Variants in FAM171B observed in about 807,000 individuals in gnomAD.
The protein encoded by FAM171B is family with sequence similarity 171 member B.
FAM171B carries 19 observed loss-of-function variants against 75.6 expected under a neutral mutation model. The observed-to-expected ratio is 0.25, with a 90% CI of 0.18 to 0.37. FAM171B has a LOEUF of 0.37. Among genes scored for constraint, FAM171B ranks in the 10% least tolerant of loss-of-function variants. The pLI is 1.00. For missense variants in FAM171B, 848 were observed against 982.4 expected, an observed-to-expected ratio of 0.86 and a Z score of 1.83; for synonymous variants, 367 against 361.7, an observed-to-expected ratio of 1.01 and a Z score of -0.17.
At chr2:186,739,513 G>A (rs1690256044) in intron 1 of FAM171B, among the ~76,000 whole-genome samples, 1 of 150,436 alleles carries the variant, frequency 6.6e-6, no homozygotes, top group Admixed American at 6.6e-5. Flanking sequence ...AACTTTTTTT[G>A]TTAAAAACTA....
intron 1 of FAM171B, among the ~76,000 whole-genome samples, chr2:186,701,929 T>A (rs12612335): frequency 0.14 from 20,752 of 152,248 alleles, 1,793 homozygotes; most frequent in Middle Eastern, 0.24. Context: ...TTCATTTACT[T>A]GGCTTAGTGT....
At chr2:186,758,516 C>T (rs749410673) in intron 6 of FAM171B, among the ~76,000 whole-genome samples, 1 of 152,144 alleles carries the variant, frequency 6.6e-6, no homozygotes, top group Non-Finnish European at 1.5e-5. Context: ...CCACCACTCA[C>T]TCTTCTTACC....
chr2:186,707,635 C>T (rs918871221), intron 1 of FAM171B, among the ~76,000 whole-genome samples: 3 of 152,092 alleles, frequency 2.0e-5, no homozygotes, highest in Non-Finnish European at 4.4e-5. Flanking sequence ...GCAGTCTCAA[C>T]TCCAGCTTCT....
intron 6 of FAM171B, among the ~76,000 whole-genome samples, chr2:186,758,173 A>C (rs570371020): frequency 9.2e-4 from 140 of 152,240 alleles, no homozygotes; most frequent in African/African-American, 3.2e-3. Flanking sequence ...TTTCACAAGT[A>C]TTTACTCATT....
In FAM171B at chr2:186,761,481, A is replaced by C; in HGVS notation, c.1139A>C (p.Asp380Ala). 1 of 1,558,754 alleles carries C rather than the reference A, an allele frequency of 6.4e-7. No individual in the cohort carries two copies. Among genetic ancestry groups the C allele is most frequent in the Non-Finnish European group, 8.6e-7 (1 of 1,161,080 alleles). Residue 380 changes from aspartate to alanine, a missense_variant and splice_region_variant, in exon 8 of 8, where the codon GAC becomes GCC. By Grantham distance (126) the Asp-to-Ala change is moderately radical (BLOSUM62 -2). This residue lies in a region of FAM171B where 665 missense variants were observed against 729.0 expected (regional missense o/e 0.91). Coordinates refer to ENST00000304698, the MANE Select transcript of FAM171B (RefSeq NM_177454.4). Reference sequence around the variant, plus strand: ...TTTTGCCTTCTCTTCTACTCTAGGGACAAGTGTGGTACTCCACAGAAAAGA... The same window carrying C: ...TTTTGCCTTCTCTTCTACTCTAGGGCCAAGTGTGGTACTCCACAGAAAAGA... Reference protein sequence around the residue: ...FFAVLLCYCRDKCGTPQKRER... With the variant: ...FFAVLLCYCRAKCGTPQKRER...
At chr2:186,726,170 A>G (rs1405839770) in intron 1 of FAM171B, among the ~76,000 whole-genome samples, 2 of 152,208 alleles carry the variant, frequency 1.3e-5, no homozygotes. Context: ...TTTGGAGATC[A>G]TGTCTTTATT....
At chr2:186,727,925 G>T (rs1438307157) in intron 1 of FAM171B, among the ~76,000 whole-genome samples, 1 of 152,040 alleles carries the variant, frequency 6.6e-6, no homozygotes, top group Non-Finnish European at 1.5e-5. Flanking sequence ...TCTAAACTAA[G>T]ATTTCTTGGT....
At chr2:186,720,321 A>C (rs1477422502) in intron 1 of FAM171B, among the ~76,000 whole-genome samples, 1 of 152,226 alleles carries the variant, frequency 6.6e-6, no homozygotes, top group Non-Finnish European at 1.5e-5. Context: ...TACAGACGTG[A>C]GCCACCACAC....
At position 186,732,280 on chromosome 2, in the gene FAM171B, T is replaced by C. The variant is rs765152265; in HGVS notation, c.239-7948T>C. On this transcript the variant is annotated intron_variant, in intron 1 of 7. Transcript: ENST00000304698. ...GCCAGGGGGTGCTTTTTCTTTTTAA[T>C]TGATGTTTTATAAGAATTTAAGTTC... Among the ~76,000 whole-genome samples the C allele has an allele frequency of 1.6e-4, 25 of 152,168 alleles. 1 individual carries two copies. The highest frequency in any genetic ancestry group is 1.5e-4 in the Non-Finnish European group (10 of 68,038).
chr2:186,755,557 G>A (rs1475619964), intron 6 of FAM171B, among the ~76,000 whole-genome samples: 1 of 152,132 alleles, frequency 6.6e-6, no homozygotes, highest in Non-Finnish European at 1.5e-5. Flanking sequence ...CCAGAACATG[G>A]ATGACATTTT....
intron 6 of FAM171B, among the ~76,000 whole-genome samples, chr2:186,759,258 A>G (rs1690580346): frequency 6.6e-6 from 1 of 152,270 alleles, no homozygotes; most frequent in Non-Finnish European, 1.5e-5. Context: ...TGCAATGAAC[A>G]TGGGCATGCA....
chr2:186,733,306 G>A (rs369063475), intron 1 of FAM171B, among the ~76,000 whole-genome samples: 3 of 152,188 alleles, frequency 2.0e-5, no homozygotes, highest in African/African-American at 7.2e-5. Context: ...TTCCCAGTTA[G>A]AGCCAATTTA....
chr2:186,710,652 A>G (rs1444337741), intron 1 of FAM171B, among the ~76,000 whole-genome samples: 1 of 152,154 alleles, frequency 6.6e-6, no homozygotes, highest in African/African-American at 2.4e-5. Flanking sequence ...AACTCAAACC[A>G]TACCCTTGCT....
At chr2:186,730,472 G>C (rs552764209) in intron 1 of FAM171B, among the ~76,000 whole-genome samples, 1 of 152,298 alleles carries the variant, frequency 6.6e-6, no homozygotes, top group Admixed American at 6.5e-5. Flanking sequence ...GGAAACAACT[G>C]CAAGTCAGTT....
rs529219150 is a variant in FAM171B at position 186,723,080 on chromosome 2, G to C, written c.239-17148G>C. Among the ~76,000 whole-genome samples the C allele has an allele frequency of 2.6e-5, 4 of 152,298 alleles. No homozygotes were observed. In the East Asian group the frequency reaches 7.7e-4, roughly 29 times the overall value. On this transcript the variant is annotated intron_variant, in intron 1 of 7. Coordinates refer to ENST00000304698, the MANE Select transcript of FAM171B (RefSeq NM_177454.4). ...TCATTCATCAATTATACTAAATTGG[G>C]AATACTTAGGGGCATTGAGTCATTA...
At chr2:186,710,977 C>T (rs1216904368) in intron 1 of FAM171B, among the ~76,000 whole-genome samples, 1 of 151,976 alleles carries the variant, frequency 6.6e-6, no homozygotes, top group Non-Finnish European at 1.5e-5. Flanking sequence ...CTTCAGGATG[C>T]CTTCCTTAAG....
intron 1 of FAM171B, among the ~76,000 whole-genome samples, chr2:186,725,578 CCCAT>C (rs1690020755): frequency 6.6e-6 from 1 of 152,110 alleles, no homozygotes; most frequent in South Asian, 2.1e-4. Context: ...CCCCTCACAC[CCCAT>C]TTTCAAAACT....
chr2:186,710,313 G>A lies in FAM171B; in HGVS notation c.238+15902G>A, dbSNP rs116892284. On this transcript the variant is annotated intron_variant, in intron 1 of 7. Transcript: ENST00000304698. Reference sequence around the variant, plus strand: ...CTTTTTGGGCTTTTAGAGACTAAGCGGGAGATTATGCCACTTGCACCACCA... The same window carrying A: ...CTTTTTGGGCTTTTAGAGACTAAGCAGGAGATTATGCCACTTGCACCACCA... Among the ~76,000 whole-genome samples the A allele has an allele frequency of 6.1e-4, 93 of 152,254 alleles. No individual in the cohort carries two copies. The East Asian group carries it at 0.014, about 23-fold the overall frequency.
chr2:186,751,155 C>T lies in FAM171B; in HGVS notation c.746C>T (p.Thr249Ile). Residue 249 changes from threonine (T) to isoleucine (I), a missense_variant, in exon 5 of 8, where the codon ACT (threonine) becomes ATT (isoleucine). By Grantham distance (89) the Thr-to-Ile change is moderately conservative. Around this residue, in one of 3 missense-constraint regions of FAM171B, gnomAD observed 665 missense variants for 729.0 expected, o/e 0.91. Transcript: ENST00000304698. ...ATAGGTTTTGAAAACATTGAATTGA[C>T]TCCTCTTGCTGCAATATGTGTGAAA... Reference protein sequence around the residue: ...NKPGFENIELTPLAAICVKIY... With the variant: ...NKPGFENIELIPLAAICVKIY... The T allele has an allele frequency of 6.2e-7, 1 of 1,604,202 alleles. No individual in the cohort carries two copies. Among genetic ancestry groups the T allele is most frequent in the Non-Finnish European group, 8.5e-7 (1 of 1,173,692 alleles).
Sources: gnomAD v4.1 joint callset for allele counts (sites outside exome capture counted in the v4.1 genomes callset) on GRCh38, gnomAD v4.1.1 for gene constraint, gnomAD v4.1.1 regional missense constraint, MANE v1.5 for transcripts, NCBI Gene and HGNC (gene_info 2026-07-23, HGNC 2026-07-21) for gene names.